RBFOX1: variants seen among roughly 807,000 people sequenced by gnomAD.
The protein encoded by RBFOX1 is RNA binding fox-1 homolog 1.
Under a neutral mutation model 57.7 loss-of-function variants are expected in RBFOX1, and 8 were observed. The ratio of observed to expected loss-of-function variants is 0.14; its 90% CI spans 0.08 to 0.25. The LOEUF (loss-of-function observed/expected upper bound fraction) is 0.25. Ranked by LOEUF, RBFOX1 falls within the 10% of genes least tolerant of loss-of-function variation. RBFOX1 has a pLI of 1.00. For synonymous variants in RBFOX1, 326 were observed against 222.4 expected, an observed-to-expected ratio of 1.47 and a Z score of -4.15; for missense variants, 611 against 548.5, an observed-to-expected ratio of 1.11 and a Z score of -1.14.
At chr16:7,158,409 G>C (rs1184195463) in intron 4 of RBFOX1, among the ~76,000 whole-genome samples, 2 of 152,176 alleles carry the variant, frequency 1.3e-5, no homozygotes, top group African/African-American at 2.4e-5. Flanking sequence ...TACTGATGTA[G>C]AAAGATATAC....
intron 3 of RBFOX1, among the ~76,000 whole-genome samples, chr16:6,659,654 A>G (rs956051654): frequency 9.9e-5 from 15 of 152,110 alleles, no homozygotes; most frequent in South Asian, 2.1e-4. Context: ...CTTAGTTTCA[A>G]TACTACCCTG....
chr16:7,617,305 G>C (rs1231831807), intron 10 of RBFOX1, among the ~76,000 whole-genome samples: 1 of 152,112 alleles, frequency 6.6e-6, no homozygotes, highest in African/African-American at 2.4e-5. Flanking sequence ...GGGCATGATT[G>C]TTTTCCAGTA....
intron 3 of RBFOX1, among the ~76,000 whole-genome samples, chr16:5,675,534 A>C (rs2050141723): frequency 6.6e-6 from 1 of 152,194 alleles, no homozygotes. Context: ...CAACTTGGCC[A>C]GATAATGGAA....
intron 2 of RBFOX1, among the ~76,000 whole-genome samples, chr16:5,513,293 G>T (rs959623040): frequency 6.6e-6 from 1 of 152,142 alleles, no homozygotes; most frequent in Non-Finnish European, 1.5e-5. Context: ...ACATCCAGTG[G>T]TATCTGTCTG....
chr16:7,224,325 A>G (rs2092952651), intron 4 of RBFOX1, among the ~76,000 whole-genome samples: 1 of 152,138 alleles, frequency 6.6e-6, no homozygotes. Context: ...CAGGTTTCAT[A>G]TCAGTATACT....
At chr16:6,560,217 A>T (rs971590235) in intron 2 of RBFOX1, among the ~76,000 whole-genome samples, 15 of 150,872 alleles carry the variant, frequency 9.9e-5, no homozygotes, top group Admixed American at 4.6e-4. Flanking sequence ...TGAAGTCAAT[A>T]TTCTAGTTGG....
chr16:6,038,738 T>G (rs2095402508), intron 1 of RBFOX1: 1 of 146,230 alleles, frequency 6.8e-6, no homozygotes. Context: ...GAGCTTTGAT[T>G]TTTTTTTTTT....
chr16:7,172,084 C>T (rs914291718), intron 4 of RBFOX1, among the ~76,000 whole-genome samples: 1 of 152,114 alleles, frequency 6.6e-6, no homozygotes, highest in African/African-American at 2.4e-5. Context: ...TATTGATTTG[C>T]TTTAACGTTC....
chr16:7,058,610 G>C (rs2053238356), intron 4 of RBFOX1, among the ~76,000 whole-genome samples: 1 of 151,980 alleles, frequency 6.6e-6, no homozygotes, highest in Admixed American at 6.6e-5. Context: ...GTGTCTTCGT[G>C]TTTGTATTTT....
chr16:5,428,013 C>T lies in RBFOX1; in HGVS notation c.220-39203C>T, dbSNP rs77844185. 5.6e-3 allele frequency among the ~76,000 whole-genome samples: 847 copies of T among 152,178 alleles called. 5 individuals carry two copies. Among genetic ancestry groups the T allele is most frequent in the African/African-American group, 0.019 (805 of 41,518 alleles). Reference sequence around the variant, plus strand: ...ACTGACATTGTGGGTCTGGATGCTGCGGTATTAATTGTTACACTGTGTAGG... The same window carrying T: ...ACTGACATTGTGGGTCTGGATGCTGTGGTATTAATTGTTACACTGTGTAGG... On this transcript the variant is annotated intron_variant, in intron 1 of 2. Transcript: ENST00000585867.
intron 4 of RBFOX1, among the ~76,000 whole-genome samples, chr16:7,268,705 C>G (rs868833111): frequency 3.5e-4 from 53 of 152,048 alleles, no homozygotes; most frequent in African/African-American, 1.3e-3. Flanking sequence ...ACTAGAGCCT[C>G]CTTGGGACTA....
chr16:7,613,493 C>G (rs947285483), intron 10 of RBFOX1, among the ~76,000 whole-genome samples: 1 of 152,174 alleles, frequency 6.6e-6, no homozygotes, highest in Non-Finnish European at 1.5e-5. Context: ...GATCACATGA[C>G]TTGATGCTGG....
At chr16:7,234,557 G>A (rs2093670996) in intron 4 of RBFOX1, among the ~76,000 whole-genome samples, 1 of 151,466 alleles carries the variant, frequency 6.6e-6, no homozygotes. Flanking sequence ...TAACCATGAA[G>A]TCTTCTGTTG....
chr16:7,134,963 G>A (rs1052096377), intron 4 of RBFOX1, among the ~76,000 whole-genome samples: 2 of 151,514 alleles, frequency 1.3e-5, no homozygotes, highest in Non-Finnish European at 2.9e-5. Context: ...CGCGTTCCAA[G>A]AGAGAGAGAT....
At chr16:6,556,992 C>T (rs925586556) in intron 2 of RBFOX1, among the ~76,000 whole-genome samples, 5 of 139,976 alleles carry the variant, frequency 3.6e-5, no homozygotes, top group African/African-American at 1.1e-4. Context: ...CGTATATATA[C>T]ATACATATAT....
chr16:5,415,436 A>G (rs939315588), intron 1 of RBFOX1, among the ~76,000 whole-genome samples: 1 of 152,222 alleles, frequency 6.6e-6, no homozygotes, highest in Non-Finnish European at 1.5e-5. Context: ...ATTAGAGATG[A>G]GATTTGGGTG....
intron 4 of RBFOX1, among the ~76,000 whole-genome samples, chr16:5,886,250 C>A (rs1490377389): frequency 6.6e-6 from 1 of 152,154 alleles, no homozygotes; most frequent in African/African-American, 2.4e-5. Context: ...TTACCTTGGA[C>A]AAGCAAACTA....
rs148848621 is a variant in RBFOX1, at chr16:5,714,808, C to T, written c.318+115847C>T. On this transcript the variant is annotated intron_variant, in intron 3 of 19. Transcript: ENST00000641259. The stretch of plus-strand genomic sequence containing the variant: ...AGCCTCGTAAGGTAGAAACTATTAT[C>T]GTCACTGCGTCACAGATGTGGGAAC... Among the ~76,000 whole-genome samples, 979 of 152,304 alleles carry T rather than the reference C, an allele frequency of 6.4e-3. 7 individuals carry two copies. The highest frequency in any genetic ancestry group is 0.021 in the African/African-American group (891 of 41,542).
intron 3 of RBFOX1, among the ~76,000 whole-genome samples, chr16:6,756,249 T>G (rs2075769344): frequency 1.3e-5 from 2 of 152,076 alleles, no homozygotes; most frequent in Admixed American, 6.6e-5. Flanking sequence ...TAAGTAGTGC[T>G]GGGAAAAAAA....
Sources: allele counts gnomAD v4.1 joint callset (sites outside exome capture counted in the v4.1 genomes callset), GRCh38; gene constraint gnomAD v4.1.1; transcripts MANE v1.5; gene names NCBI Gene and HGNC (gene_info 2026-07-23, HGNC 2026-07-21).